TRPM3: variants seen among roughly 807,000 people sequenced by gnomAD.
TRPM3 encodes the protein transient receptor potential cation channel subfamily M member 3.
In TRPM3, 77 loss-of-function variants were observed where a neutral mutation model predicts 181.2. The ratio of observed to expected loss-of-function variants is 0.42; its 90% CI spans 0.35 to 0.51. The LOEUF (loss-of-function observed/expected upper bound fraction) is 0.51. Ranked by LOEUF, TRPM3 falls within the 20% of genes least tolerant of loss-of-function variation. TRPM3 has a pLI of 0.01. For synonymous variants in TRPM3, 745 were observed against 796.4 expected (o/e 0.94, Z 1.09); for missense variants, 1,759 against 2,196.7 (o/e 0.80, Z 3.98).
At chr9:71,380,310 A>T (rs865907639) in intron 1 of TRPM3, among the ~76,000 whole-genome samples, 3 of 151,508 alleles carry the variant, frequency 2.0e-5, no homozygotes, top group Middle Eastern at 3.2e-3. Context: ...AACAATGATT[A>T]AAAAAAAATC....
At chr9:70,594,487 CATT>C (rs2058666918) in intron 21 of TRPM3, among the ~76,000 whole-genome samples, 2 of 152,118 alleles carry the variant, frequency 1.3e-5, no homozygotes. Context: ...TGATAGCTAT[CATT>C]ATTGTTTTTA....
At chr9:71,000,972 T>G (rs2097592968) in intron 1 of TRPM3, among the ~76,000 whole-genome samples, 1 of 152,342 alleles carries the variant, frequency 6.6e-6, no homozygotes. Context: ...AAACACCTTT[T>G]CTATTAGAAA....
intron 1 of TRPM3, among the ~76,000 whole-genome samples, chr9:71,110,288 C>T (rs754049306): frequency 6.6e-6 from 1 of 152,146 alleles, no homozygotes; most frequent in Non-Finnish European, 1.5e-5. Flanking sequence ...GTACCACCTG[C>T]CTCTCTTGTG....
chr9:71,243,183 A>T (rs59337823), intron 1 of TRPM3, among the ~76,000 whole-genome samples: 1 of 152,168 alleles, frequency 6.6e-6, no homozygotes, highest in South Asian at 2.1e-4. Flanking sequence ...CCAGGATTAC[A>T]GGCACCCGCA....
chr9:71,021,362 G>A (rs1590715825), intron 1 of TRPM3, among the ~76,000 whole-genome samples: 3 of 152,176 alleles, frequency 2.0e-5, no homozygotes, highest in South Asian at 4.2e-4. Context: ...AAAAAATTCC[G>A]AAAATATTGA....
chr9:70,613,811 G>T (rs1206567538), intron 18 of TRPM3, among the ~76,000 whole-genome samples: 2 of 152,048 alleles, frequency 1.3e-5, no homozygotes, highest in Admixed American at 1.3e-4. Flanking sequence ...ATCTCTTATG[G>T]TGGCTTCTTG....
At chr9:70,584,876 A>G (rs1011069452) in intron 22 of TRPM3, among the ~76,000 whole-genome samples, 8 of 152,192 alleles carry the variant, frequency 5.3e-5, no homozygotes, top group African/African-American at 1.7e-4. Flanking sequence ...TCAATCTTGG[A>G]TTAATCCAGC....
At chr9:70,769,568 C>A (rs994485478) in intron 7 of TRPM3, among the ~76,000 whole-genome samples, 4 of 151,962 alleles carry the variant, frequency 2.6e-5, no homozygotes, top group African/African-American at 9.7e-5. Flanking sequence ...AATCATCCCA[C>A]AATGTAAACA....
At chr9:71,220,921 C>T (rs1215239142) in intron 1 of TRPM3, among the ~76,000 whole-genome samples, 1 of 152,082 alleles carries the variant, frequency 6.6e-6, no homozygotes. Flanking sequence ...ATCTTGTATG[C>T]AAATCAGTTG....
intron 5 of TRPM3, among the ~76,000 whole-genome samples, chr9:70,830,689 T>C (rs2093834131): frequency 6.6e-6 from 1 of 152,214 alleles, no homozygotes; most frequent in South Asian, 2.1e-4. Context: ...ACATATGAAT[T>C]GTGGAAATTT....
intron 6 of TRPM3, among the ~76,000 whole-genome samples, chr9:70,790,193 A>C (rs977040137): frequency 6.6e-6 from 1 of 152,210 alleles, no homozygotes; most frequent in South Asian, 2.1e-4. Context: ...TATGGGTCTG[A>C]AGGATAATCT....
chr9:70,838,663 A>C (rs140743695), intron 5 of TRPM3, among the ~76,000 whole-genome samples: 1 of 152,114 alleles, frequency 6.6e-6, no homozygotes, highest in Admixed American at 6.6e-5. Context: ...GAAGTGTAGG[A>C]TTATGGATAG....
At chr9:71,009,759 C>T (rs1439854355) in intron 1 of TRPM3, among the ~76,000 whole-genome samples, 1 of 151,942 alleles carries the variant, frequency 6.6e-6, no homozygotes, top group Non-Finnish European at 1.5e-5. Context: ...ATAAAAGAAC[C>T]CAGAGAGCCA....
At chr9:71,300,214 A>T (rs79168374) in intron 1 of TRPM3, among the ~76,000 whole-genome samples, 1,671 of 152,286 alleles carry the variant, frequency 0.011, 25 homozygotes, top group East Asian at 0.076. Flanking sequence ...TAGAAACATT[A>T]ACTTTGTAAA....
intron 1 of TRPM3, among the ~76,000 whole-genome samples, chr9:70,914,749 C>T (rs905856366): frequency 7.9e-5 from 12 of 152,226 alleles, no homozygotes; most frequent in South Asian, 2.1e-4. Context: ...TGACTCAGAA[C>T]GGAGAAAGAG....
At chr9:70,663,500 T>G (rs2061407955) in intron 9 of TRPM3, among the ~76,000 whole-genome samples, 1 of 152,188 alleles carries the variant, frequency 6.6e-6, no homozygotes, top group Non-Finnish European at 1.5e-5. Context: ...TATCAGATCT[T>G]TGACATTATA....
intron 8 of TRPM3, among the ~76,000 whole-genome samples, chr9:70,758,391 A>T (rs894253976): frequency 2.6e-5 from 4 of 152,342 alleles, no homozygotes; most frequent in Non-Finnish European, 4.4e-5. Context: ...ATATTGTGAA[A>T]ATAGTCATAC....
chr9:71,207,706 G>A (rs2079210739), intron 1 of TRPM3, among the ~76,000 whole-genome samples: 1 of 152,098 alleles, frequency 6.6e-6, no homozygotes, highest in African/African-American at 2.4e-5. Context: ...TGTTCAAAAT[G>A]AAGATGAACT....
chr9:71,056,220 G>A (rs1242942577), intron 1 of TRPM3, among the ~76,000 whole-genome samples: 1 of 151,936 alleles, frequency 6.6e-6, no homozygotes, highest in African/African-American at 2.4e-5. Flanking sequence ...ATATTCTAGT[G>A]TTTACAAAGC....
Sources: allele counts gnomAD v4.1 joint callset (sites outside exome capture counted in the v4.1 genomes callset), GRCh38; gene constraint gnomAD v4.1.1; transcripts MANE v1.5; gene names NCBI Gene and HGNC (gene_info 2026-07-23, HGNC 2026-07-21).